AKAP13: variants seen among roughly 807,000 people sequenced by gnomAD.
AKAP13 encodes A-kinase anchor protein 13.
In AKAP13, 80 loss-of-function variants were observed where a neutral mutation model predicts 264.5. The ratio of observed to expected loss-of-function variants is 0.30; its 90% confidence interval spans 0.25 to 0.36. AKAP13 has a LOEUF of 0.36. AKAP13 is among the 10% of genes least tolerant of loss of function. The pLI is 1.00. For missense variants in AKAP13, 3,712 were observed against 3,435.2 expected, an observed-to-expected ratio of 1.08 and a Z score of -2.01; for synonymous variants, 1,380 against 1,250.2, an observed-to-expected ratio of 1.10 and a Z score of -2.19.
rs184806932 is a variant in AKAP13, at chr15:85,397,214, A to C, written c.-12+16416A>C. On this transcript the variant is annotated intron_variant, in intron 1 of 36. Transcript: ENST00000394518. ...CTTAAAAGCTTTCATTTGAAGGCCC[A>C]AAAACAACTGATACATTGTTTTTCA... is the stretch of plus-strand genomic sequence containing the variant. Among the ~76,000 whole-genome samples, 723 of 152,306 alleles carry C rather than the reference A, an allele frequency of 4.7e-3. 4 individuals are homozygous for C. Among genetic ancestry groups the C allele is most frequent in the Non-Finnish European group, 8.5e-3 (579 of 68,020 alleles).
chr15:85,717,463 C>A, intron 21 of AKAP13, 61 bp downstream of exon 21: 2 of 1,174,440 alleles, frequency 1.7e-6, no homozygotes, highest in Non-Finnish European at 2.5e-6. Flanking sequence ...GTGTCATTAC[C>A]TAGAACATAA....
intron 8 of AKAP13, among the ~76,000 whole-genome samples, chr15:85,609,748 T>C (rs2151387162): frequency 6.6e-6 from 1 of 152,370 alleles, no homozygotes; most frequent in East Asian, 1.9e-4. Context: ...TAACCAGACA[T>C]TGTGCTATTC....
At chr15:85,608,773 T>C (rs756916641) in intron 8 of AKAP13, among the ~76,000 whole-genome samples, 1 of 152,178 alleles carries the variant, frequency 6.6e-6, no homozygotes, top group Non-Finnish European at 1.5e-5. Flanking sequence ...AGGCTTTATC[T>C]TGAAGAACAA....
At chr15:85,628,844 T>C (rs376396202) in intron 8 of AKAP13, among the ~76,000 whole-genome samples, 5 of 152,174 alleles carry the variant, frequency 3.3e-5, no homozygotes, top group African/African-American at 1.2e-4. Context: ...GCCAAACTTA[T>C]TCAATTTAAT....
At chr15:85,721,791 C>T (rs2087304323) in intron 23 of AKAP13, among the ~76,000 whole-genome samples, 200 bp from the exon 24 acceptor site, 1 of 152,196 alleles carries the variant, frequency 6.6e-6, no homozygotes, top group African/African-American at 2.4e-5. Context: ...AATCCATATG[C>T]CATATAGTCT....
At position 85,747,731 on chromosome 15, in the gene AKAP13, T is replaced by G. The variant is rs960167410; in HGVS notation, c.*3054T>G. On this transcript the variant is annotated 3_prime_UTR_variant, in exon 37 of 37. Coordinates refer to ENST00000394518, the MANE Select transcript of AKAP13 (RefSeq NM_007200.5). ...GTTAAAAACATGCAAACTGCCACTT[T>G]CAACCTTTGCCAGTATTCCCTCTAC... The G allele has an allele frequency of 2.6e-5, 4 of 152,720 alleles. No individual in the cohort carries two copies. Among genetic ancestry groups the G allele is most frequent in the Non-Finnish European group, 5.9e-5 (4 of 68,046 alleles). The allele number at this position is 152,720 out of a possible 1,614,324, so 9.5% of individuals were successfully genotyped here.
intron 1 of AKAP13, among the ~76,000 whole-genome samples, chr15:85,437,670 C>G (rs1024917587): frequency 1.1e-4 from 16 of 152,106 alleles, no homozygotes; most frequent in African/African-American, 3.6e-4. Flanking sequence ...TCAATATACG[C>G]AAATCAATAA....
chr15:85,553,746 C>T (rs1362143703), intron 5 of AKAP13, among the ~76,000 whole-genome samples: 1 of 152,210 alleles, frequency 6.6e-6, no homozygotes, highest in African/African-American at 2.4e-5. Context: ...CCAGGTTGCA[C>T]AGCAAGAGGT....
chr15:85,563,329 GTT>G (rs1184437606), intron 5 of AKAP13, among the ~76,000 whole-genome samples: 15 of 54,204 alleles, frequency 2.8e-4, no homozygotes, highest in African/African-American at 3.6e-4. Flanking sequence ...GAATGTGCTT[GTT>G]TTTTTTTTTT....
At chr15:85,485,447 T>A (rs555048705) in intron 1 of AKAP13, among the ~76,000 whole-genome samples, 2 of 152,360 alleles carry the variant, frequency 1.3e-5, no homozygotes, top group East Asian at 3.9e-4. Context: ...TTGTTGAAAC[T>A]TCTGTGACAG....
chr15:85,629,731 TGAA>T (rs2081601871), intron 8 of AKAP13, among the ~76,000 whole-genome samples: 1 of 148,326 alleles, frequency 6.7e-6, no homozygotes. Flanking sequence ...TAAAGTATCA[TGAA>T]TCTAGAAATA....
chr15:85,433,308 G>A (rs558440922), intron 1 of AKAP13, among the ~76,000 whole-genome samples: 6 of 151,942 alleles, frequency 3.9e-5, no homozygotes, highest in East Asian at 3.9e-4. Context: ...AAGTTTGAAC[G>A]TTTTCAAGTA....
At chr15:85,404,477 C>T (rs966667502) in intron 1 of AKAP13, among the ~76,000 whole-genome samples, 2 of 152,234 alleles carry the variant, frequency 1.3e-5, no homozygotes, top group East Asian at 1.9e-4. Flanking sequence ...ATATTGATTA[C>T]TTTGTGTGCC....
At chr15:85,399,511 A>ATAAAT (rs1567038523) in intron 1 of AKAP13, among the ~76,000 whole-genome samples, 1 of 76,496 alleles carries the variant, frequency 1.3e-5, no homozygotes, top group East Asian at 2.1e-4. Context: ...TCAAAAAAAA[A>ATAAAT]AAAAAAAAAA....
intron 17 of AKAP13, among the ~76,000 whole-genome samples, 159 bp downstream of exon 17, chr15:85,693,610 A>G (rs931402505): frequency 8.5e-5 from 13 of 152,238 alleles, no homozygotes; most frequent in African/African-American, 3.1e-4. Context: ...AAGAAATTCT[A>G]GATGTATAAC....
chr15:85,693,332 A>G lies in AKAP13; in HGVS notation c.5345A>G (p.Lys1782Arg). 1 of 1,612,762 alleles carries G rather than the reference A, an allele frequency of 6.2e-7. No homozygotes were observed. Among genetic ancestry groups the G allele is most frequent in the Non-Finnish European group, 8.5e-7 (1 of 1,179,718 alleles). Residue 1782 changes from lysine (K) to arginine (R), a missense_variant, in exon 17 of 37, where the codon AAG becomes AGG. Lys to Arg is a conservative substitution (Grantham distance 26). Around this residue, in one of 3 missense-constraint regions of AKAP13, gnomAD observed 2,759 missense variants for 2,411.7 expected, o/e 1.14. Coordinates refer to ENST00000394518, the MANE Select transcript of AKAP13 (RefSeq NM_007200.5). ...IKEKEKDSKDKEKDKKTVNGH... is the reference protein window; with the variant it reads ...IKEKEKDSKDREKDKKTVNGH... Reference sequence around the variant, plus strand: ...GAGAAGGAGAAAGATTCTAAAGACAAGGAGAAAGATAAGAAGACTGTCAAC... The same window carrying G: ...GAGAAGGAGAAAGATTCTAAAGACAGGGAGAAAGATAAGAAGACTGTCAAC...
intron 1 of AKAP13, among the ~76,000 whole-genome samples, chr15:85,396,551 CTATAA>C (rs936715777): frequency 2.0e-4 from 31 of 152,222 alleles, no homozygotes; most frequent in Admixed American, 6.5e-4. Context: ...CCATGCTTTA[CTATAA>C]TATGTTTGTC....
chr15:85,479,875 G>T (rs1285512362), intron 1 of AKAP13, among the ~76,000 whole-genome samples: 2 of 152,136 alleles, frequency 1.3e-5, no homozygotes, highest in Admixed American at 6.5e-5. Flanking sequence ...TGTACATCTG[G>T]ATACATTCTC....
At chr15:85,742,119 G>C (rs2089059073) in intron 35 of AKAP13, among the ~76,000 whole-genome samples, 1 of 152,314 alleles carries the variant, frequency 6.6e-6, no homozygotes, top group African/African-American at 2.4e-5. Flanking sequence ...TCTGCTTTTT[G>C]CATCTCTAAG....
Sources: allele counts gnomAD v4.1 joint callset (sites outside exome capture counted in the v4.1 genomes callset), GRCh38; gene constraint gnomAD v4.1.1; regional missense constraint gnomAD v4.1.1; transcripts MANE v1.5; gene names NCBI Gene and HGNC (gene_info 2026-07-23, HGNC 2026-07-21).